Variants in SNTG2 observed in about 807,000 individuals in gnomAD.
SNTG2 encodes syntrophin gamma 2.
A neutral mutation model predicts 70.9 loss-of-function variants in SNTG2; 74 were observed. That is an observed-to-expected ratio of 1.04 (90% CI 0.86 to 1.27). The LOEUF (loss-of-function observed/expected upper bound fraction) is 1.27, where lower values mean the gene tolerates loss of function less well. Ranked by LOEUF, SNTG2 falls within the 50% of genes most tolerant of loss-of-function variation. The pLI, the probability that SNTG2 is intolerant of heterozygous loss-of-function variation, is 0.00. For synonymous variants in SNTG2, 278 were observed against 273.8 expected (o/e 1.02, Z -0.15); for missense variants, 717 against 690.7 (o/e 1.04, Z -0.43).
chr2:1,020,129 T>C (rs936197212), intron 1 of SNTG2, among the ~76,000 whole-genome samples: 7 of 152,358 alleles, frequency 4.6e-5, no homozygotes, highest in African/African-American at 1.4e-4. Context: ...TCTCTTCTGA[T>C]ATTAACAATG....
chr2:1,354,717 G>A (rs1371767483), intron 16 of SNTG2, among the ~76,000 whole-genome samples: 1 of 57,278 alleles, frequency 1.7e-5, no homozygotes, highest in Non-Finnish European at 3.7e-5. Flanking sequence ...GAGGCAGAGC[G>A]GCTGACTGAG....
chr2:1,264,907 C>T (rs948868366), intron 13 of SNTG2, among the ~76,000 whole-genome samples: 1 of 152,148 alleles, frequency 6.6e-6, no homozygotes, highest in Non-Finnish European at 1.5e-5. Flanking sequence ...GTATAACATA[C>T]AGAATATGTG....
chr2:956,234 C>G (rs1317807186), intron 1 of SNTG2, among the ~76,000 whole-genome samples: 2,188 of 114,876 alleles, frequency 0.019, 129 homozygotes, highest in African/African-American at 0.073. Context: ...CCCTGCCCCA[C>G]CCCTGCCCCG....
At chr2:1,277,813 G>A (rs1475756166) in intron 14 of SNTG2, among the ~76,000 whole-genome samples, 1 of 152,208 alleles carries the variant, frequency 6.6e-6, no homozygotes, top group African/African-American at 2.4e-5. Flanking sequence ...AGGGAAGACA[G>A]CCCAGTGGCT....
At chr2:1,267,664 G>A (rs1010014155) in intron 14 of SNTG2, 93 bp downstream of exon 14, 1 of 1,159,400 alleles carries the variant, frequency 8.6e-7, no homozygotes. Flanking sequence ...CGGGGGAAAA[G>A]AGGAATCTTC....
chr2:1,276,850 T>C (rs1443338362), intron 14 of SNTG2, among the ~76,000 whole-genome samples: 1 of 152,318 alleles, frequency 6.6e-6, no homozygotes, highest in East Asian at 1.9e-4. Flanking sequence ...CATCAGAGTA[T>C]CAACATTAGC....
intron 14 of SNTG2, among the ~76,000 whole-genome samples, chr2:1,273,720 C>T (rs983924036): frequency 4.6e-5 from 7 of 151,192 alleles, no homozygotes; most frequent in African/African-American, 1.2e-4. Context: ...GAAGAATAAA[C>T]AGCATAAAGT....
At chr2:1,241,552 A>G (rs1455348208) in intron 11 of SNTG2, among the ~76,000 whole-genome samples, 2 of 132,014 alleles carry the variant, frequency 1.5e-5, no homozygotes, top group South Asian at 2.5e-4. Context: ...TACATGTACC[A>G]TGTGGTGCGC....
chr2:1,323,218 A>G (rs934399688), intron 16 of SNTG2, among the ~76,000 whole-genome samples: 2 of 152,340 alleles, frequency 1.3e-5, no homozygotes, highest in Non-Finnish European at 2.9e-5. Flanking sequence ...TTTTTCATAG[A>G]GGAAAACACT....
chr2:1,142,272 C>T (rs151214392), intron 6 of SNTG2, among the ~76,000 whole-genome samples: 61 of 152,346 alleles, frequency 4.0e-4, no homozygotes, highest in African/African-American at 1.4e-3. Context: ...CTAGATAGAT[C>T]TGCAGGTCAA....
chr2:1,044,009 A>G (rs369207785), intron 1 of SNTG2, among the ~76,000 whole-genome samples: 4 of 152,300 alleles, frequency 2.6e-5, no homozygotes, highest in South Asian at 4.1e-4. Context: ...CAGTATGGAC[A>G]TTTTAACAGT....
At chr2:1,362,441 AG>A (rs1385369945) in intron 16 of SNTG2, among the ~76,000 whole-genome samples, 2 of 152,234 alleles carry the variant, frequency 1.3e-5, no homozygotes, top group East Asian at 3.9e-4. Flanking sequence ...GCATTTCAGT[AG>A]AACTTCCATG....
At chr2:1,233,287 T>C (rs1676383640) in intron 9 of SNTG2, among the ~76,000 whole-genome samples, 1 of 152,192 alleles carries the variant, frequency 6.6e-6, no homozygotes, top group African/African-American at 2.4e-5. Context: ...GTAGCGGATG[T>C]AGCAGGGGTC....
In SNTG2 at chr2:1,223,228, GCT is replaced by G. The variant is rs1422802133; in HGVS notation, c.719+13999_719+14000del. ...AGGGCGTCTCCCTGTCCTGCCTGCTGCTGGAGGTGCTGGATCGCTGTAGAGGA... is the reference window on the plus strand; with the variant it reads ...AGGGCGTCTCCCTGTCCTGCCTGCTGGGAGGTGCTGGATCGCTGTAGAGGA... On this transcript the variant is annotated intron_variant, in intron 9 of 16. Transcript: ENST00000308624. Among the ~76,000 whole-genome samples, 28 of 113,486 alleles carry G rather than the reference GCT, an allele frequency of 2.5e-4. 1 individual carries two copies. Among genetic ancestry groups the G allele is most frequent in the African/African-American group, 5.9e-4 (19 of 31,958 alleles). The allele number at this position is 113,486 out of a possible 152,430, so 74.5% of individuals were successfully genotyped here.
At chr2:1,142,059 T>C (rs955975448) in intron 6 of SNTG2, among the ~76,000 whole-genome samples, 1 of 152,190 alleles carries the variant, frequency 6.6e-6, no homozygotes, top group East Asian at 1.9e-4. Context: ...TCAAACAGAC[T>C]TGGACTTCCC....
At chr2:997,096 T>C (rs79308379) in intron 1 of SNTG2, among the ~76,000 whole-genome samples, 236 of 152,226 alleles carry the variant, frequency 1.6e-3, no homozygotes, top group African/African-American at 5.4e-3. Context: ...TTTTATTTTT[T>C]TGGTGGAATG....
intron 1 of SNTG2, among the ~76,000 whole-genome samples, chr2:1,081,833 T>C (rs1056007166): frequency 1.3e-5 from 2 of 152,222 alleles, no homozygotes; most frequent in Admixed American, 6.5e-5. Flanking sequence ...AGAGTTCCCA[T>C]TGGGTGCAGT....
intron 1 of SNTG2, among the ~76,000 whole-genome samples, chr2:956,679 G>T (rs1213311564): frequency 1.3e-5 from 2 of 152,256 alleles, no homozygotes; most frequent in East Asian, 3.9e-4. Flanking sequence ...CCGTGGAGGG[G>T]CCGCTTTCAG....
intron 1 of SNTG2, 45 bp from the exon 2 acceptor site, chr2:1,083,473 C>G (rs1048413430): frequency 3.4e-5 from 55 of 1,610,494 alleles, no homozygotes; most frequent in Non-Finnish European, 4.7e-5. Flanking sequence ...ACCCCTGGCT[C>G]CTGCCCTCAC....
Sources: allele counts gnomAD v4.1 joint callset (sites outside exome capture counted in the v4.1 genomes callset), GRCh38; gene constraint gnomAD v4.1.1; transcripts MANE v1.5; gene names NCBI Gene and HGNC (gene_info 2026-07-23, HGNC 2026-07-21).